The following SYNE1 variants were observed in gnomAD, a reference collection of about 807,000 sequenced individuals.
SYNE1 encodes spectrin repeat containing nuclear envelope protein 1, also known as nesprin-1.
In SYNE1, 616 loss-of-function variants were observed where a neutral mutation model predicts 1,111.0. The ratio of observed to expected loss-of-function variants is 0.55; its 90% CI spans 0.52 to 0.59. SYNE1 has a LOEUF of 0.59. SYNE1 is among the 20% of genes least tolerant of loss of function. The pLI is 0.00. For synonymous variants in SYNE1, 3,855 were observed against 3,825.8 expected (o/e 1.01, Z -0.28); for missense variants, 10,006 against 10,417.0 (o/e 0.96, Z 1.72).
chr6:152,148,970 T>TA lies in SYNE1; in HGVS notation c.24642+506dup. 6.6e-6 allele frequency among the ~76,000 whole-genome samples: 1 copy of TA among 152,072 alleles called. No homozygotes were observed. Among genetic ancestry groups the TA allele is most frequent in the East Asian group, 1.9e-4 (1 of 5,186 alleles). On this transcript the variant is annotated intron_variant, in intron 136 of 145. Coordinates refer to ENST00000367255, the MANE Select transcript of SYNE1 (RefSeq NM_182961.4). The surrounding 1 kb of genome is among the most constrained non-coding windows in gnomAD (Gnocchi z 4.1). ...AATACTCTAATAACATCTCTATAAG[T>TA]AAGATGTGATTATGGTAGCAATTAG...
intron 87 of SYNE1, among the ~76,000 whole-genome samples, chr6:152,312,821 G>A (rs1049886631): frequency 5.2e-4 from 79 of 152,006 alleles, no homozygotes; most frequent in African/African-American, 1.7e-3. Context: ...GTCATAACAT[G>A]ACTATAGTTT....
intron 13 of SYNE1, among the ~76,000 whole-genome samples, chr6:152,483,977 G>A (rs967437114): frequency 2.8e-5 from 4 of 143,416 alleles, no homozygotes; most frequent in Non-Finnish European, 4.5e-5. Flanking sequence ...CAAGATGGAT[G>A]AGATGCTTGA....
At chr6:152,553,335 G>T (rs1317539844) in intron 3 of SYNE1, among the ~76,000 whole-genome samples, 1 of 152,132 alleles carries the variant, frequency 6.6e-6, no homozygotes, top group Non-Finnish European at 1.5e-5. Flanking sequence ...CTGGAGATAG[G>T]CAATGTAGAC....
chr6:152,236,944 C>T lies in SYNE1; in HGVS notation c.20072G>A (p.Trp6691Ter), dbSNP rs766499430. The change falls in exon 109 of 146, where the codon TGG becomes TAG. Residue 6691 changes from tryptophan (W) to a stop codon, truncating the protein, a stop_gained. Coordinates refer to ENST00000367255, the MANE Select transcript of SYNE1 (RefSeq NM_182961.4). LOFTEE classifies it high-confidence loss of function. The part of the protein sequence containing the change: ...GVELEYILET[W>*]SHLDEDQQEL... The stretch of plus-strand genomic sequence containing the variant: ...CTGCTGGTCCTCATCCAGATGGGAC[C>T]ACGTCTAGAAACACAACATGAGTCT... 1 of 1,613,850 alleles carries T rather than the reference C, an allele frequency of 6.2e-7. No individual in the cohort carries two copies. Among genetic ancestry groups the T allele is most frequent in the Non-Finnish European group, 8.5e-7 (1 of 1,179,958 alleles).
At chr6:152,336,368 T>A (rs2096389260) in intron 76 of SYNE1, 2 of 196,874 alleles carry the variant, frequency 1.0e-5, no homozygotes, top group Non-Finnish European at 2.1e-5. Context: ...GATTTGCTAT[T>A]CCTTAAAGCA....
intron 105 of SYNE1, among the ~76,000 whole-genome samples, chr6:152,245,433 C>T (rs924680672): frequency 9.9e-5 from 15 of 152,144 alleles, no homozygotes; most frequent in African/African-American, 3.6e-4. Flanking sequence ...ACAGAGGTTG[C>T]CCCTGAAGGA....
chr6:152,260,600 T>C (rs1284539134), intron 101 of SYNE1, among the ~76,000 whole-genome samples: 6 of 151,818 alleles, frequency 4.0e-5, no homozygotes, highest in African/African-American at 7.3e-5. Context: ...ATAGAAAGCG[T>C]GGCTCTGGAG....
At chr6:152,584,340 A>G (rs1451297264) in intron 3 of SYNE1, among the ~76,000 whole-genome samples, 2 of 152,174 alleles carry the variant, frequency 1.3e-5, no homozygotes, top group African/African-American at 4.8e-5. Flanking sequence ...ATTTAGTGTG[A>G]TTTATAATTT....
At chr6:152,469,098 T>G (rs1291397771) in intron 16 of SYNE1, among the ~76,000 whole-genome samples, 1 of 151,982 alleles carries the variant, frequency 6.6e-6, no homozygotes, top group East Asian at 1.9e-4. Flanking sequence ...TGGGGGAGTG[T>G]GGGGGGTGTA....
At chr6:152,137,076 G>A (rs2057260874) in intron 140 of SYNE1, among the ~76,000 whole-genome samples, 2 of 152,070 alleles carry the variant, frequency 1.3e-5, no homozygotes, top group African/African-American at 2.4e-5. Context: ...AATGTTACAT[G>A]GAACACAACA....
At chr6:152,535,225 G>A (rs369033196) in intron 4 of SYNE1, among the ~76,000 whole-genome samples, 11 of 152,304 alleles carry the variant, frequency 7.2e-5, no homozygotes, top group South Asian at 4.1e-4. Context: ...CCTGGCCTTC[G>A]AGTCTCCAGA....
At chr6:152,212,402 T>C (rs1175013980) in intron 123 of SYNE1, among the ~76,000 whole-genome samples, 2 of 152,216 alleles carry the variant, frequency 1.3e-5, no homozygotes, top group African/African-American at 4.8e-5. Flanking sequence ...GACTGGTTTC[T>C]TTCCCTTGGC....
chr6:152,297,672 ATGG>A (rs542789076), intron 93 of SYNE1, among the ~76,000 whole-genome samples: 4 of 152,238 alleles, frequency 2.6e-5, no homozygotes, highest in Non-Finnish European at 5.9e-5. Flanking sequence ...ATGCCTTTAA[ATGG>A]TGTAAACATT....
intron 6 of SYNE1, among the ~76,000 whole-genome samples, chr6:152,517,345 C>T (rs767374318): frequency 6.6e-6 from 1 of 152,212 alleles, no homozygotes; most frequent in Non-Finnish European, 1.5e-5. Flanking sequence ...TTACTAAGCA[C>T]AGGCTTCCTC....
chr6:152,125,380 G>T (rs1210225898), intron 145 of SYNE1: 2 of 1,541,254 alleles, frequency 1.3e-6, no homozygotes, highest in Admixed American at 2.0e-5. Context: ...ACAGTATCCT[G>T]CAGATCATCA....
intron 3 of SYNE1, among the ~76,000 whole-genome samples, chr6:152,591,163 G>C (rs938152977): frequency 1.1e-4 from 16 of 152,182 alleles, no homozygotes; most frequent in South Asian, 6.2e-4. Context: ...GAGTGGGATT[G>C]TGTTGTTTAT....
chr6:152,290,749 GA>G (rs892380449), intron 95 of SYNE1, among the ~76,000 whole-genome samples: 4 of 151,992 alleles, frequency 2.6e-5, no homozygotes, highest in African/African-American at 9.7e-5. Flanking sequence ...TACTTTTTAG[GA>G]AATATAAAAA....
At chr6:152,124,237 C>A (rs754405294) in intron 145 of SYNE1, among the ~76,000 whole-genome samples, 1 of 152,096 alleles carries the variant, frequency 6.6e-6, no homozygotes, top group Admixed American at 6.6e-5. Context: ...ACCCGGGAGG[C>A]GGAGGCTGCA....
chr6:152,177,529 A>G (rs1038878215), intron 129 of SYNE1, among the ~76,000 whole-genome samples: 1 of 152,212 alleles, frequency 6.6e-6, no homozygotes, highest in Non-Finnish European at 1.5e-5. Flanking sequence ...TAGTGTGGTA[A>G]CAGAGCTATC....
Sources: allele counts gnomAD v4.1 joint callset (sites outside exome capture counted in the v4.1 genomes callset), GRCh38; gene constraint gnomAD v4.1.1; non-coding constraint Gnocchi (gnomAD v3.1); transcripts MANE v1.5; gene names NCBI Gene and HGNC (gene_info 2026-07-23, HGNC 2026-07-21).